Variants in ROBO2 observed in about 807,000 individuals in gnomAD.
ROBO2 encodes the protein roundabout homolog 2.
In ROBO2, 53 loss-of-function variants were observed where a neutral mutation model predicts 160.8. The observed-to-expected ratio is 0.33, with a 90% CI of 0.26 to 0.41. ROBO2 has a LOEUF of 0.41. ROBO2 is among the 10% of genes least tolerant of loss of function. The pLI is 1.00. For synonymous variants in ROBO2, 664 were observed against 611.7 expected, an observed-to-expected ratio of 1.09 and a Z score of -1.26; for missense variants, 1,577 against 1,722.4, an observed-to-expected ratio of 0.92 and a Z score of 1.49.
At chr3:77,206,410 C>T (rs1395131134) in intron 2 of ROBO2, among the ~76,000 whole-genome samples, 2 of 151,896 alleles carry the variant, frequency 1.3e-5, no homozygotes, top group African/African-American at 2.4e-5. Context: ...CCTTGTGATC[C>T]GCCTGCTGTG....
chr3:77,642,230 G>T (rs1378590381), intron 24 of ROBO2, among the ~76,000 whole-genome samples: 1 of 152,140 alleles, frequency 6.6e-6, no homozygotes, highest in Non-Finnish European at 1.5e-5. Flanking sequence ...ATTTCCCGAG[G>T]GTGACATTCC....
intron 1 of ROBO2, among the ~76,000 whole-genome samples, chr3:77,041,743 C>G (rs2064122808): frequency 6.6e-6 from 1 of 152,054 alleles, no homozygotes; most frequent in Non-Finnish European, 1.5e-5. Flanking sequence ...TGCTGTTAAC[C>G]TTCTAGAGGC....
intron 2 of ROBO2, among the ~76,000 whole-genome samples, chr3:77,258,840 T>A (rs930229776): frequency 1.3e-5 from 2 of 152,214 alleles, no homozygotes; most frequent in African/African-American, 4.8e-5. Flanking sequence ...GAAGGTTGTC[T>A]TGGGGACAAA....
intron 2 of ROBO2, among the ~76,000 whole-genome samples, chr3:77,031,649 T>G (rs909700956): frequency 1.4e-5 from 2 of 146,564 alleles, no homozygotes; most frequent in Admixed American, 6.9e-5. Flanking sequence ...TATTTATATA[T>G]AAGACACATA....
intron 2 of ROBO2, among the ~76,000 whole-genome samples, chr3:76,498,432 A>G (rs180833732): frequency 2.6e-3 from 395 of 152,244 alleles, no homozygotes; most frequent in African/African-American, 9.3e-3. Flanking sequence ...CTAGAAAATC[A>G]CTAACGGAGT....
intron 2 of ROBO2, among the ~76,000 whole-genome samples, chr3:76,918,370 G>A (rs1042897787): frequency 6.6e-6 from 1 of 152,154 alleles, no homozygotes; most frequent in Non-Finnish European, 1.5e-5. Context: ...ATGATTGTAA[G>A]TTTCCTGAGG....
chr3:77,626,922 C>T (rs139466489), intron 23 of ROBO2, among the ~76,000 whole-genome samples: 3 of 152,264 alleles, frequency 2.0e-5, no homozygotes, highest in Non-Finnish European at 4.4e-5. Flanking sequence ...ACAATGAAAC[C>T]TGGTGGCCTC....
At position 77,294,492 on chromosome 3, in the gene ROBO2, C is replaced by G. The variant is rs531411916; in HGVS notation, c.389-182922C>G. 5.5e-5 allele frequency among the ~76,000 whole-genome samples: 8 copies of G among 145,668 alleles called. No homozygotes were observed. In the East Asian group the frequency reaches 1.6e-3, roughly 29 times the overall value. On this transcript the variant is annotated intron_variant, in intron 2 of 25. Transcript: ENST00000461745. ...GTAAACGGGTAAGCTGAGGCTAGAT[C>G]ACCCCAGACATTAAGTAAAATTGAT...
At chr3:77,493,737 T>C (rs1014334246) in intron 5 of ROBO2, among the ~76,000 whole-genome samples, 1 of 152,108 alleles carries the variant, frequency 6.6e-6, no homozygotes, top group Non-Finnish European at 1.5e-5. Context: ...GTTCCCATGC[T>C]TCATCCCCTC....
At chr3:76,535,246 G>C (rs2108123969) in intron 2 of ROBO2, among the ~76,000 whole-genome samples, 1 of 152,192 alleles carries the variant, frequency 6.6e-6, no homozygotes, top group East Asian at 1.9e-4. Context: ...ATGAGGCAAA[G>C]GTCTTGAACT....
chr3:75,922,431 G>T (rs918206548), intron 1 of ROBO2, among the ~76,000 whole-genome samples: 2 of 151,978 alleles, frequency 1.3e-5, no homozygotes, highest in Non-Finnish European at 2.9e-5. Context: ...CTATTTCAGA[G>T]GATACCATGA....
intron 2 of ROBO2, among the ~76,000 whole-genome samples, chr3:76,335,847 A>G (rs1436877932): frequency 6.6e-6 from 1 of 152,168 alleles, no homozygotes; most frequent in East Asian, 1.9e-4. Flanking sequence ...AAGTGTTGGG[A>G]TTACAGGTGT....
At chr3:77,234,086 G>A (rs2087603593) in intron 2 of ROBO2, among the ~76,000 whole-genome samples, 1 of 152,236 alleles carries the variant, frequency 6.6e-6, no homozygotes, top group East Asian at 1.9e-4. Flanking sequence ...AGTTTTCCTG[G>A]AGCTTTGGGA....
chr3:76,688,655 C>T (rs2092735240), intron 2 of ROBO2, among the ~76,000 whole-genome samples: 1 of 151,274 alleles, frequency 6.6e-6, no homozygotes, highest in East Asian at 1.9e-4. Context: ...ACAGCGCAGT[C>T]CTAGTCCTTT....
At chr3:77,273,981 T>C (rs1356627190) in intron 2 of ROBO2, among the ~76,000 whole-genome samples, 3 of 132,174 alleles carry the variant, frequency 2.3e-5, no homozygotes, top group Admixed American at 7.5e-5. Context: ...AGTTGATACT[T>C]TTTCCTGTTT....
intron 21 of ROBO2, among the ~76,000 whole-genome samples, chr3:77,614,166 T>G (rs549081289): frequency 7.0e-4 from 107 of 152,344 alleles, no homozygotes; most frequent in South Asian, 3.5e-3. Flanking sequence ...CATTCTGATA[T>G]TTTCATAGAT....
chr3:76,878,524 A>G (rs2073010764), intron 2 of ROBO2, among the ~76,000 whole-genome samples: 1 of 152,230 alleles, frequency 6.6e-6, no homozygotes, highest in Non-Finnish European at 1.5e-5. Flanking sequence ...TCATTGTTTT[A>G]TATTCAAAAA....
chr3:77,096,507 G>A (rs1397445450), intron 1 of ROBO2, among the ~76,000 whole-genome samples: 3 of 149,784 alleles, frequency 2.0e-5, no homozygotes, highest in South Asian at 2.1e-4. Flanking sequence ...GGAGTGCAGT[G>A]GCACAATCTT....
At chr3:76,844,038 T>A (rs1247424007) in intron 2 of ROBO2, among the ~76,000 whole-genome samples, 1 of 152,016 alleles carries the variant, frequency 6.6e-6, no homozygotes, top group East Asian at 1.9e-4. Flanking sequence ...TTTTAGTGAA[T>A]TAAGTGATAT....
Sources: gnomAD v4.1 joint callset for allele counts (sites outside exome capture counted in the v4.1 genomes callset) on GRCh38, gnomAD v4.1.1 for gene constraint, MANE v1.5 for transcripts, NCBI Gene and HGNC (gene_info 2026-07-23, HGNC 2026-07-21) for gene names.